The following TYW1 variants were observed in gnomAD, a reference collection of about 807,000 sequenced individuals.
TYW1 encodes the protein tRNA-yW synthesizing protein 1 homolog.
Under a neutral mutation model 96.2 loss-of-function variants are expected in TYW1, and 46 were observed. The ratio of observed to expected loss-of-function variants is 0.48; its 90% confidence interval spans 0.38 to 0.61. TYW1 has a LOEUF of 0.61. Among genes scored for constraint, TYW1 ranks in the 20% least tolerant of loss-of-function variants. The probability of loss-of-function intolerance (pLI) is 0.00; values close to 1 mark genes in which losing one functional copy is unlikely to be tolerated. For synonymous variants in TYW1, 274 were observed against 323.0 expected (o/e 0.85, Z 1.63); for missense variants, 684 against 909.6 (o/e 0.75, Z 3.19).
intron 7 of TYW1, among the ~76,000 whole-genome samples, chr7:67,039,457 CAA>C (rs879310027): frequency 9.4e-5 from 10 of 106,626 alleles, no homozygotes; most frequent in Admixed American, 9.7e-5. Flanking sequence ...GACTCCGTCT[CAA>C]AAAAAAAAAA....
chr7:67,045,539 C>T (rs546788791), intron 7 of TYW1, among the ~76,000 whole-genome samples: 4 of 152,230 alleles, frequency 2.6e-5, no homozygotes, highest in African/African-American at 9.6e-5. Flanking sequence ...ATATTTAAAA[C>T]AAAAACAAAC....
At chr7:67,095,295 A>C (rs1041231914) in intron 11 of TYW1, among the ~76,000 whole-genome samples, 1 of 151,996 alleles carries the variant, frequency 6.6e-6, no homozygotes, top group Non-Finnish European at 1.5e-5. Flanking sequence ...TGCCGTGCCC[A>C]ACCGAACTGC....
intron 4 of TYW1, among the ~76,000 whole-genome samples, chr7:67,010,220 C>G (rs1793744609): frequency 6.6e-6 from 1 of 152,126 alleles, no homozygotes; most frequent in African/African-American, 2.4e-5. Flanking sequence ...TGGTCTGAAA[C>G]TCCTGGCCTC....
intron 6 of TYW1, among the ~76,000 whole-genome samples, chr7:67,020,637 C>T (rs546769962): frequency 5.6e-4 from 85 of 152,380 alleles, no homozygotes; most frequent in Middle Eastern, 3.4e-3. Flanking sequence ...CTTAGTGTGA[C>T]CTTAGCACCT....
chr7:67,184,321 T>A (rs1799932938), intron 14 of TYW1, among the ~76,000 whole-genome samples: 2 of 152,312 alleles, frequency 1.3e-5, no homozygotes, highest in African/African-American at 4.8e-5. Flanking sequence ...GTGTATCCTG[T>A]GGATTGGTGC....
At chr7:67,143,477 C>G (rs999636039) in intron 13 of TYW1, among the ~76,000 whole-genome samples, 13 of 152,190 alleles carry the variant, frequency 8.5e-5, no homozygotes, top group Non-Finnish European at 1.2e-4. Flanking sequence ...TAAGCTTTCC[C>G]TCCACTCTGA....
intron 9 of TYW1, among the ~76,000 whole-genome samples, chr7:67,058,156 A>G (rs1243912809): frequency 2.6e-5 from 4 of 151,524 alleles, no homozygotes; most frequent in Admixed American, 6.6e-5. Context: ...GGATGGTCTC[A>G]ATCTCCTGAC....
At chr7:67,019,782 A>C (rs1013612363) in intron 6 of TYW1, among the ~76,000 whole-genome samples, 2 of 152,292 alleles carry the variant, frequency 1.3e-5, no homozygotes, top group African/African-American at 4.8e-5. Context: ...GGTCGATACC[A>C]AGTTGTTGGA....
intron 9 of TYW1, among the ~76,000 whole-genome samples, chr7:67,062,833 G>C (rs1262954116): frequency 2.0e-5 from 3 of 152,164 alleles, no homozygotes; most frequent in African/African-American, 7.2e-5. Flanking sequence ...TGATATCCTA[G>C]TTTTCAATGG....
At chr7:67,164,048 T>G (rs1390251603) in intron 13 of TYW1, among the ~76,000 whole-genome samples, 1 of 152,114 alleles carries the variant, frequency 6.6e-6, no homozygotes, top group East Asian at 1.9e-4. Context: ...CCAACCAATC[T>G]CATCTTAAGT....
At chr7:67,022,067 T>C (rs1794297410) in intron 6 of TYW1, among the ~76,000 whole-genome samples, 2 of 152,136 alleles carry the variant, frequency 1.3e-5, no homozygotes, top group Admixed American at 1.3e-4. Context: ...TGCACCATCA[T>C]GCCCAGCTAA....
chr7:67,188,172 T>C (rs1473388703), intron 14 of TYW1, among the ~76,000 whole-genome samples: 1 of 151,982 alleles, frequency 6.6e-6, no homozygotes, highest in East Asian at 1.9e-4. Context: ...ATACAAAAAT[T>C]AGCTGGGCGT....
At chr7:67,135,770 T>A (rs1798236031) in intron 13 of TYW1, among the ~76,000 whole-genome samples, 1 of 152,208 alleles carries the variant, frequency 6.6e-6, no homozygotes, top group African/African-American at 2.4e-5. Flanking sequence ...CAGTTCCTTG[T>A]GTCTGACCTG....
intron 13 of TYW1, among the ~76,000 whole-genome samples, chr7:67,120,003 G>GCAATCTTCCTGAGGC (rs1797712865): frequency 6.6e-6 from 1 of 152,052 alleles, no homozygotes; most frequent in African/African-American, 2.4e-5. Flanking sequence ...CTGGCCTCAG[G>GCAATCTTCCTGAGGC]CAATCTTCCT....
intron 9 of TYW1, 142 bp downstream of exon 9, chr7:67,056,029 G>A (rs1342670842): frequency 1.5e-5 from 10 of 663,786 alleles, no homozygotes; most frequent in African/African-American, 9.2e-5. Flanking sequence ...TTTAAAATGA[G>A]TTCAGCAAAT....
intron 13 of TYW1, among the ~76,000 whole-genome samples, chr7:67,137,254 C>G (rs1584606798): frequency 6.6e-6 from 1 of 152,088 alleles, no homozygotes; most frequent in African/African-American, 2.4e-5. Context: ...CACTTACTTG[C>G]AAGTCATCCC....
intron 15 of TYW1, among the ~76,000 whole-genome samples, chr7:67,210,374 T>C (rs529308011): frequency 2.6e-5 from 4 of 152,326 alleles, no homozygotes; most frequent in Non-Finnish European, 5.9e-5. Context: ...TGACTAACAA[T>C]GCTGACCTCG....
chr7:67,201,923 G>C (rs538360970), intron 15 of TYW1, among the ~76,000 whole-genome samples: 17 of 152,212 alleles, frequency 1.1e-4, no homozygotes, highest in African/African-American at 3.9e-4. Flanking sequence ...TTGAAACTGG[G>C]AACTATCTCA....
intron 11 of TYW1, among the ~76,000 whole-genome samples, chr7:67,088,877 T>C (rs1272330809): frequency 6.6e-6 from 1 of 152,226 alleles, no homozygotes; most frequent in Non-Finnish European, 1.5e-5. Context: ...GCCTTAATTT[T>C]CATTTTAATA....
Sources: gnomAD v4.1 joint callset for allele counts (sites outside exome capture counted in the v4.1 genomes callset) on GRCh38, gnomAD v4.1.1 for gene constraint, MANE v1.5 for transcripts, NCBI Gene and HGNC (gene_info 2026-07-23, HGNC 2026-07-21) for gene names.